PHEX: variants seen among roughly 807,000 people sequenced by gnomAD.
The protein encoded by PHEX is phosphate-regulating neutral endopeptidase PHEX.
In PHEX, 16 loss-of-function variants were observed where a neutral mutation model predicts 68.0. The ratio of observed to expected loss-of-function variants is 0.24; its 90% CI spans 0.16 to 0.36. PHEX has a LOEUF of 0.36. Ranked by LOEUF, PHEX falls within the 10% of genes least tolerant of loss-of-function variation. The probability of loss-of-function intolerance (pLI) is 1.00; values close to 1 mark genes in which losing one functional copy is unlikely to be tolerated. For missense variants in PHEX, 480 were observed against 575.5 expected (o/e 0.83, Z 1.70); for synonymous variants, 208 against 205.1 (o/e 1.01, Z -0.12).
intron 3 of PHEX, among the ~76,000 whole-genome samples, chrX:22,055,413 AT>A (rs1169837775): frequency 2.7e-5 from 3 of 109,527 alleles, no homozygotes; most frequent in East Asian, 2.9e-4. Flanking sequence ...AAATATAGAA[AT>A]TTTTTTTTCT....
chrX:22,100,162 G>A lies in PHEX; in HGVS notation c.1079+1011G>A, dbSNP rs187847145. On this transcript the variant is annotated intron_variant, in intron 9 of 21. Coordinates refer to ENST00000379374, the MANE Select transcript of PHEX (RefSeq NM_000444.6). ...AAATGGAAATTGAATCTAGAGGTACGTAATTATATTGCAGGGTAGAGCCTT... is the reference window on the plus strand; with the variant it reads ...AAATGGAAATTGAATCTAGAGGTACATAATTATATTGCAGGGTAGAGCCTT... 1.2e-4 allele frequency among the ~76,000 whole-genome samples: 14 copies of A among 112,219 alleles called. No individual in the cohort carries two copies. The South Asian group carries it at 4.1e-3, about 33-fold the overall frequency.
chrX:22,193,493 T>A (rs5951721), intron 15 of PHEX, among the ~76,000 whole-genome samples: 7,136 of 111,707 alleles, frequency 0.064, 601 homozygotes, highest in African/African-American at 0.22. Context: ...CTAAAGAATA[T>A]GTTGTTTATT....
chrX:22,216,435 A>G, intron 16 of PHEX, among the ~76,000 whole-genome samples: 1 of 111,873 alleles, frequency 8.9e-6, no homozygotes, highest in South Asian at 3.8e-4. Context: ...GAAATCTTCC[A>G]GTTTCTGGCC....
chrX:22,198,270 A>G (rs1486421429), intron 15 of PHEX, among the ~76,000 whole-genome samples: 1 of 89,653 alleles, frequency 1.1e-5, no homozygotes, highest in Non-Finnish European at 2.0e-5. Context: ...ACTATTATAT[A>G]TATATATAAA....
intron 14 of PHEX, among the ~76,000 whole-genome samples, chrX:22,187,357 T>C (rs1303129865): frequency 8.9e-6 from 1 of 111,752 alleles, no homozygotes; most frequent in Non-Finnish European, 1.9e-5. Context: ...CTCAGAGGGA[T>C]TTATGCAGTC....
chrX:22,046,288 ACT>A (rs1927524895), intron 2 of PHEX, among the ~76,000 whole-genome samples: 1 of 111,729 alleles, frequency 9.0e-6, no homozygotes, highest in African/African-American at 3.3e-5. Flanking sequence ...TAGCTTTGAA[ACT>A]CACAGAAAGT....
intron 3 of PHEX, among the ~76,000 whole-genome samples, chrX:22,057,792 G>A (rs1928181325): frequency 9.0e-6 from 1 of 111,440 alleles, no homozygotes. Context: ...TGTGACCGCA[G>A]CACCAAGCAT....
At chrX:22,111,896 G>C (rs1003582797) in intron 10 of PHEX, among the ~76,000 whole-genome samples, 2 of 111,901 alleles carry the variant, frequency 1.8e-5, no homozygotes, top group African/African-American at 6.5e-5. Flanking sequence ...TGTAATTATA[G>C]TTTTAACATT....
chrX:22,190,463 A>G lies in PHEX; in HGVS notation c.1606A>G (p.Thr536Ala). Residue 536 changes from threonine to alanine, a missense_variant, in exon 15 of 22, where the codon ACT (threonine) becomes GCT (alanine). Physicochemically the swap from Thr to Ala is moderately conservative, Grantham distance 58. Transcript: ENST00000379374. ...PKTEWFTNPT[T>A]VNAFYSASTN... Reference sequence around the variant, plus strand: ...CTACAGGTGGTTTACAAATCCGACGACTGTCAATGCCTTCTACAGTGCATC... The same window carrying G: ...CTACAGGTGGTTTACAAATCCGACGGCTGTCAATGCCTTCTACAGTGCATC... 1.7e-6 allele frequency: 2 copies of G among 1,201,032 alleles called. No homozygotes were observed. Among genetic ancestry groups the G allele is most frequent in the Non-Finnish European group, 2.3e-6 (2 of 885,532 alleles).
At chrX:22,150,237 A>T (rs1932830965) in intron 12 of PHEX, among the ~76,000 whole-genome samples, 2 of 112,550 alleles carry the variant, frequency 1.8e-5, no homozygotes, top group Admixed American at 1.9e-4. Context: ...TTGAATGTAC[A>T]TGCAAATCTC....
chrX:22,226,638 T>C (rs1935516469), intron 19 of PHEX, 130 bp downstream of exon 19: 11 of 572,000 alleles, frequency 1.9e-5, no homozygotes, highest in Non-Finnish European at 2.8e-5. Flanking sequence ...TTTCTGTAAA[T>C]AGAAGTGTGT....
At chrX:22,167,677 T>C (rs1352984329) in intron 12 of PHEX, among the ~76,000 whole-genome samples, 1 of 108,525 alleles carries the variant, frequency 9.2e-6, no homozygotes, top group African/African-American at 3.4e-5. Context: ...TTTATTTTTG[T>C]AGAGACAGGG....
chrX:22,105,483 C>T (rs1468152881), intron 9 of PHEX, among the ~76,000 whole-genome samples: 2 of 112,104 alleles, frequency 1.8e-5, no homozygotes, highest in Non-Finnish European at 3.8e-5. Flanking sequence ...GACGCTGAAG[C>T]TGCTGGCTCA....
chrX:22,046,594 G>T (rs1330840088), intron 2 of PHEX, among the ~76,000 whole-genome samples: 20 of 92,967 alleles, frequency 2.2e-4, no homozygotes, highest in South Asian at 1.1e-3. Context: ...TGAGAGACAG[G>T]TTCACTCTGT....
At chrX:22,197,136 T>A (rs1934392202) in intron 15 of PHEX, among the ~76,000 whole-genome samples, 1 of 112,051 alleles carries the variant, frequency 8.9e-6, no homozygotes, top group South Asian at 3.7e-4. Context: ...CCATTGTTTT[T>A]AGAGCTAGAA....
intron 2 of PHEX, among the ~76,000 whole-genome samples, chrX:22,040,456 C>A (rs1163393568): frequency 9.0e-6 from 1 of 111,197 alleles, no homozygotes; most frequent in Non-Finnish European, 1.9e-5. Context: ...ATTAGTGAGA[C>A]CCCATCTCTG....
rs1273625637 is a variant in PHEX at position 22,090,477 on chromosome X, A to G, written c.712A>G (p.Asn238Asp). Residue 238 changes from asparagine (N) to aspartate (D), a missense_variant, in exon 6 of 22, where the codon AAC (asparagine) becomes GAC (aspartate). Transcript: ENST00000379374. ...GGCCGTGAGGGAAGACTACCTTGAT[A>G]ACAGTACAGAAGCCAAGTCTGTAAG... ...SLAVREDYLD[N>D]STEAKSYRDA... The G allele has an allele frequency of 8.3e-7, 1 of 1,201,973 alleles. No homozygotes were observed. The highest frequency in any genetic ancestry group is 1.1e-6 in the Non-Finnish European group (1 of 886,355).
Position 22,249,451 on chromosome X carries a change from A to ATATAT in PHEX, c.*1498_*1499insTATAT, listed in dbSNP as rs1247898023. ...TGATTTGTGATTCTTTTAAAAAAAAAAAAAATATATATATATATATATATA... is the reference window on the plus strand; with the variant it reads ...TGATTTGTGATTCTTTTAAAAAAAAATATATAAAAATATATATATATATATATATA... On this transcript the variant is annotated 3_prime_UTR_variant, in exon 22 of 22. Transcript: ENST00000379374. 4 of 28,502 alleles carry ATATAT rather than the reference A, an allele frequency of 1.4e-4. No homozygotes were observed. Among genetic ancestry groups the ATATAT allele is most frequent in the South Asian group, 2.9e-3 (2 of 680 alleles). 2.3% of individuals were successfully genotyped at this position (28,502 alleles called of 1,213,427 possible).
chrX:22,146,740 C>G (rs753443536), intron 12 of PHEX, among the ~76,000 whole-genome samples: 113 of 110,970 alleles, frequency 1.0e-3, no homozygotes, highest in African/African-American at 3.4e-3. Flanking sequence ...TCGCTTGAAC[C>G]CAGGAGGCAG....
Sources: gnomAD v4.1 joint callset for allele counts (sites outside exome capture counted in the v4.1 genomes callset) on GRCh38, gnomAD v4.1.1 for gene constraint, MANE v1.5 for transcripts, NCBI Gene and HGNC (gene_info 2026-07-23, HGNC 2026-07-21) for gene names.